CSMD1: variants seen among roughly 807,000 people sequenced by gnomAD.
The protein encoded by CSMD1 is CUB and sushi domain-containing protein 1.
CSMD1 carries 213 observed loss-of-function variants against 417.5 expected under a neutral mutation model. That is an observed-to-expected ratio of 0.51 (90% CI 0.46 to 0.57). The LOEUF (loss-of-function observed/expected upper bound fraction) is 0.57, where lower values mean the gene tolerates loss of function less well. Ranked by LOEUF, CSMD1 falls within the 20% of genes least tolerant of loss-of-function variation. The pLI is 0.00. For missense variants in CSMD1, 6,923 were observed against 4,529.7 expected (o/e 1.53, Z -15.17); for synonymous variants, 2,862 against 1,736.8 (o/e 1.65, Z -16.11).
At position 3,284,129 on chromosome 8, in the gene CSMD1, C is replaced by G. The variant is rs1160601906; in HGVS notation, c.4153+15G>C. 3 of 1,548,418 alleles carry G rather than the reference C, an allele frequency of 1.9e-6. No individual in the cohort carries two copies. The highest frequency in any genetic ancestry group is 2.6e-6 in the Non-Finnish European group (3 of 1,143,324). ...TTGATATCAAGGTAAAGAAGAAGCA[C>G]GCTGTGCCACCTACTGGAGAACTGG... is the stretch of plus-strand genomic sequence containing the variant. On this transcript the variant is annotated intron_variant, in intron 26 of 69. Transcript: ENST00000635120.
At chr8:3,947,753 A>G (rs1404761964) in intron 5 of CSMD1, among the ~76,000 whole-genome samples, 1 of 152,200 alleles carries the variant, frequency 6.6e-6, no homozygotes. Context: ...ATCTTAGTGA[A>G]TGTTCCATGT....
At chr8:4,709,462 C>T (rs1396539296) in intron 1 of CSMD1, among the ~76,000 whole-genome samples, 7 of 152,158 alleles carry the variant, frequency 4.6e-5, no homozygotes, top group Admixed American at 3.9e-4. Context: ...GGGACTCTGT[C>T]CATAGGACGT....
chr8:4,690,572 C>G (rs1806702943), intron 1 of CSMD1, among the ~76,000 whole-genome samples: 1 of 152,100 alleles, frequency 6.6e-6, no homozygotes, highest in Non-Finnish European at 1.5e-5. Context: ...AGGATGAATT[C>G]TAAAATATTA....
chr8:3,371,537 A>C (rs1035778381), intron 18 of CSMD1, among the ~76,000 whole-genome samples: 20 of 151,174 alleles, frequency 1.3e-4, no homozygotes, highest in African/African-American at 4.6e-4. Context: ...TTCTTTTCTT[A>C]AACTAGGTAA....
At chr8:4,616,575 T>A (rs941103849) in intron 2 of CSMD1, among the ~76,000 whole-genome samples, 1 of 152,174 alleles carries the variant, frequency 6.6e-6, no homozygotes, top group African/African-American at 2.4e-5. Context: ...TCAGTAAACT[T>A]TGGTTAAATA....
chr8:3,058,682 C>G (rs994277007), intron 49 of CSMD1, among the ~76,000 whole-genome samples: 1 of 151,930 alleles, frequency 6.6e-6, no homozygotes, highest in Non-Finnish European at 1.5e-5. Flanking sequence ...TGAAGTACAT[C>G]TGGGGGAGGG....
intron 4 of CSMD1, among the ~76,000 whole-genome samples, chr8:4,024,744 C>A (rs1251975981): frequency 6.6e-6 from 1 of 152,162 alleles, no homozygotes; most frequent in Non-Finnish European, 1.5e-5. Flanking sequence ...CTACTGCAGG[C>A]CGCTCTGTGA....
chr8:4,336,798 T>A (rs1383791101), intron 3 of CSMD1, among the ~76,000 whole-genome samples: 1 of 152,074 alleles, frequency 6.6e-6, no homozygotes, highest in Non-Finnish European at 1.5e-5. Context: ...GCCGCCTGGA[T>A]GAAAGGCAGG....
chr8:3,828,597 T>C (rs887404552), intron 5 of CSMD1, among the ~76,000 whole-genome samples: 2 of 152,140 alleles, frequency 1.3e-5, no homozygotes, highest in African/African-American at 2.4e-5. Context: ...CATTCGACAA[T>C]TTTCTTCCAT....
intron 48 of CSMD1, among the ~76,000 whole-genome samples, chr8:3,088,908 CAA>C (rs1253820439): frequency 1.3e-5 from 2 of 151,038 alleles, no homozygotes; most frequent in Non-Finnish European, 3.0e-5. Flanking sequence ...GATTCCTCTC[CAA>C]AGTCATAGAT....
chr8:3,968,342 C>T (rs948252256), intron 5 of CSMD1, among the ~76,000 whole-genome samples: 2 of 152,110 alleles, frequency 1.3e-5, no homozygotes, highest in Non-Finnish European at 2.9e-5. Flanking sequence ...CTATAATCTC[C>T]CTGATCCTAC....
intron 52 of CSMD1, among the ~76,000 whole-genome samples, chr8:3,008,967 T>C (rs1037504873): frequency 3.3e-5 from 5 of 152,198 alleles, no homozygotes; most frequent in African/African-American, 1.2e-4. Flanking sequence ...TAGACCTGTG[T>C]GATTTTGGAA....
intron 5 of CSMD1, among the ~76,000 whole-genome samples, chr8:3,793,203 T>C (rs561613457): frequency 3.9e-5 from 6 of 152,282 alleles, no homozygotes; most frequent in Non-Finnish European, 8.8e-5. Context: ...TAGCAATTTT[T>C]CTCTCAACCG....
At chr8:4,532,966 C>T (rs963424722) in intron 2 of CSMD1, among the ~76,000 whole-genome samples, 13 of 152,052 alleles carry the variant, frequency 8.5e-5, no homozygotes, top group South Asian at 2.1e-4. Context: ...AATCCTGCAC[C>T]GTCATTCACA....
At chr8:3,189,236 A>G (rs762388400) in intron 34 of CSMD1, among the ~76,000 whole-genome samples, 3 of 152,248 alleles carry the variant, frequency 2.0e-5, no homozygotes, top group Admixed American at 6.5e-5. Context: ...TGAGTCTATA[A>G]ATAAATCTAT....
At position 3,814,127 on chromosome 8, in the gene CSMD1, C is replaced by A. The variant is rs182608163; in HGVS notation, c.819-60085G>T. On this transcript the variant is annotated intron_variant, in intron 5 of 69. Coordinates refer to ENST00000635120, the MANE Select transcript of CSMD1 (RefSeq NM_033225.6). ...TCAGAACCCATGTTCTTTGCAATAA[C>A]GTACCAGCTCAGCCCCAGATTCTGG... Among the ~76,000 whole-genome samples, 449 of 152,296 alleles carry A rather than the reference C, an allele frequency of 2.9e-3. 2 individuals are homozygous for A. Among genetic ancestry groups the A allele is most frequent in the Non-Finnish European group, 4.2e-3 (289 of 68,018 alleles).
At chr8:3,309,629 G>C (rs965122196) in intron 23 of CSMD1, among the ~76,000 whole-genome samples, 4 of 152,172 alleles carry the variant, frequency 2.6e-5, no homozygotes, top group East Asian at 1.9e-4. Context: ...TTGTAAAAGG[G>C]AGAGCTGGAA....
chr8:3,604,158 A>G (rs374743826), intron 8 of CSMD1, among the ~76,000 whole-genome samples: 2 of 152,206 alleles, frequency 1.3e-5, no homozygotes, highest in South Asian at 2.1e-4. Flanking sequence ...TCTTCTCTCT[A>G]CGGGGCTCAG....
intron 1 of CSMD1, among the ~76,000 whole-genome samples, chr8:4,940,296 T>C (rs749608653): frequency 6.6e-6 from 1 of 152,214 alleles, no homozygotes; most frequent in Non-Finnish European, 1.5e-5. Flanking sequence ...CAGAGTAAAA[T>C]GATATGGCTT....
Sources: gnomAD v4.1 joint callset for allele counts (sites outside exome capture counted in the v4.1 genomes callset) on GRCh38, gnomAD v4.1.1 for gene constraint, MANE v1.5 for transcripts, NCBI Gene and HGNC (gene_info 2026-07-23, HGNC 2026-07-21) for gene names.